The following PTPRT variants were observed in gnomAD, a reference collection of about 807,000 sequenced individuals.
The protein encoded by PTPRT is protein tyrosine phosphatase receptor type T, also known as receptor-type tyrosine-protein phosphatase T.
Under a neutral mutation model 176.8 loss-of-function variants are expected in PTPRT, and 56 were observed. The ratio of observed to expected loss-of-function variants is 0.32; its 90% confidence interval spans 0.26 to 0.40. PTPRT has a LOEUF of 0.40. Ranked by LOEUF, PTPRT falls within the 10% of genes least tolerant of loss-of-function variation. PTPRT has a pLI of 1.00. For synonymous variants in PTPRT, 783 were observed against 739.0 expected (o/e 1.06, Z -0.96); for missense variants, 1,540 against 1,908.2 (o/e 0.81, Z 3.60).
intron 27 of PTPRT, among the ~76,000 whole-genome samples, chr20:42,089,897 A>G (rs1984428473): frequency 6.6e-6 from 1 of 152,168 alleles, no homozygotes; most frequent in African/African-American, 2.4e-5. Flanking sequence ...AATAAGAAAC[A>G]TCCTCTGTGG....
At chr20:42,504,878 C>G (rs2071816451) in intron 7 of PTPRT, among the ~76,000 whole-genome samples, 1 of 152,088 alleles carries the variant, frequency 6.6e-6, no homozygotes, top group African/African-American at 2.4e-5. Flanking sequence ...AGCCTTTGGT[C>G]CTCCAAATAT....
At chr20:42,440,481 C>CTT (rs759500806) in intron 9 of PTPRT, among the ~76,000 whole-genome samples, 7 of 138,528 alleles carry the variant, frequency 5.1e-5, no homozygotes, top group African/African-American at 1.8e-4. Flanking sequence ...TTGTTTCTTT[C>CTT]TTTTTTTTTT....
At chr20:42,424,059 G>A (rs1051626023) in intron 9 of PTPRT, among the ~76,000 whole-genome samples, 4 of 152,170 alleles carry the variant, frequency 2.6e-5, no homozygotes, top group Admixed American at 2.6e-4. Flanking sequence ...TTAGCCCCCA[G>A]TAAATCTCTA....
chr20:42,499,278 T>C (rs1330529265), intron 7 of PTPRT, among the ~76,000 whole-genome samples: 1 of 151,996 alleles, frequency 6.6e-6, no homozygotes, highest in African/African-American at 2.4e-5. Context: ...TGTATATGTG[T>C]AAGTTTTGAT....
At chr20:42,572,218 C>T (rs1413673661) in intron 7 of PTPRT, among the ~76,000 whole-genome samples, 1 of 152,168 alleles carries the variant, frequency 6.6e-6, no homozygotes, top group Non-Finnish European at 1.5e-5. Context: ...GACATAATTG[C>T]TTCCTAAAGG....
chr20:43,168,851 T>C (rs2014923048), intron 1 of PTPRT, among the ~76,000 whole-genome samples: 1 of 152,208 alleles, frequency 6.6e-6, no homozygotes, highest in African/African-American at 2.4e-5. Context: ...CAGTAAGAGC[T>C]TTCCAACTAG....
chr20:42,953,285 A>G (rs984583094), intron 1 of PTPRT, among the ~76,000 whole-genome samples: 11 of 152,324 alleles, frequency 7.2e-5, no homozygotes, highest in Middle Eastern at 3.4e-3. Context: ...TAGCAGGTGC[A>G]TAGTGAGGCA....
chr20:42,693,629 A>G (rs1286343616), intron 6 of PTPRT, among the ~76,000 whole-genome samples: 3 of 152,202 alleles, frequency 2.0e-5, no homozygotes, highest in African/African-American at 7.2e-5. Flanking sequence ...ATTCTCAACA[A>G]AACAATTAGG....
chr20:42,831,010 C>T (rs1021729886), intron 2 of PTPRT, among the ~76,000 whole-genome samples: 5 of 152,152 alleles, frequency 3.3e-5, no homozygotes, highest in African/African-American at 4.8e-5. Context: ...TGATGTTCTT[C>T]ACAGAACTAG....
chr20:42,630,339 G>T (rs1295686478), intron 7 of PTPRT, among the ~76,000 whole-genome samples: 2 of 152,228 alleles, frequency 1.3e-5, no homozygotes, highest in Non-Finnish European at 1.5e-5. Flanking sequence ...CTCCCAGAAG[G>T]CCAGAAGATA....
At chr20:42,863,135 C>G (rs1249015182) in intron 2 of PTPRT, among the ~76,000 whole-genome samples, 1 of 152,222 alleles carries the variant, frequency 6.6e-6, no homozygotes, top group South Asian at 2.1e-4. Flanking sequence ...AACCTAGATT[C>G]ATGTGATAGG....
intron 16 of PTPRT, among the ~76,000 whole-genome samples, chr20:42,178,458 C>T (rs987927745): frequency 2.0e-5 from 3 of 152,138 alleles, no homozygotes; most frequent in Non-Finnish European, 4.4e-5. Flanking sequence ...ATCAGAAGAA[C>T]CAGGGTTAAA....
chr20:42,526,111 C>T (rs571397983), intron 7 of PTPRT, among the ~76,000 whole-genome samples: 1 of 151,742 alleles, frequency 6.6e-6, no homozygotes, highest in East Asian at 1.9e-4. Flanking sequence ...CTTGATATAT[C>T]CTTGTTTTGA....
intron 9 of PTPRT, among the ~76,000 whole-genome samples, chr20:42,396,648 G>C (rs936342422): frequency 2.6e-5 from 4 of 152,172 alleles, no homozygotes; most frequent in African/African-American, 9.7e-5. Context: ...TGCAACCTCT[G>C]CCTCCCGGGT....
At chr20:42,745,142 A>G (rs1283414088) in intron 6 of PTPRT, among the ~76,000 whole-genome samples, 1 of 152,200 alleles carries the variant, frequency 6.6e-6, no homozygotes, top group Non-Finnish European at 1.5e-5. Flanking sequence ...GTCAGAGTAA[A>G]CCAGAAGACA....
At chr20:42,518,782 T>C (rs905712273) in intron 7 of PTPRT, among the ~76,000 whole-genome samples, 1 of 152,174 alleles carries the variant, frequency 6.6e-6, no homozygotes, top group African/African-American at 2.4e-5. Context: ...TTTCTTTTTC[T>C]GGTTTATTAG....
At chr20:42,568,796 T>C (rs1391358671) in intron 7 of PTPRT, among the ~76,000 whole-genome samples, 2 of 151,746 alleles carry the variant, frequency 1.3e-5, no homozygotes, top group African/African-American at 4.8e-5. Context: ...ATGCCTGTAA[T>C]CCCAGAACTT....
intron 6 of PTPRT, among the ~76,000 whole-genome samples, chr20:42,705,206 G>C (rs958969894): frequency 6.6e-6 from 1 of 151,996 alleles, no homozygotes; most frequent in Admixed American, 6.5e-5. Flanking sequence ...ATTGTATCTC[G>C]AAATAATAAT....
intron 1 of PTPRT, among the ~76,000 whole-genome samples, chr20:43,085,236 C>T (rs745591679): frequency 4.6e-5 from 7 of 152,172 alleles, no homozygotes; most frequent in Non-Finnish European, 1.0e-4. Context: ...CCTGGGCCAG[C>T]ATCAAGGCTA....
Sources: gnomAD v4.1 joint callset for allele counts (sites outside exome capture counted in the v4.1 genomes callset) on GRCh38, gnomAD v4.1.1 for gene constraint, MANE v1.5 for transcripts, NCBI Gene and HGNC (gene_info 2026-07-23, HGNC 2026-07-21) for gene names.